AGO3: variants seen among roughly 807,000 people sequenced by gnomAD.
AGO3 encodes protein argonaute-3.
In AGO3, 16 loss-of-function variants were observed where a neutral mutation model predicts 105.5. The observed-to-expected ratio is 0.15, with a 90% CI of 0.10 to 0.23. AGO3 has a LOEUF of 0.23. AGO3 is among the 10% of genes least tolerant of loss of function. AGO3 has a pLI of 1.00. For missense variants in AGO3, 534 were observed against 1,088.0 expected, an observed-to-expected ratio of 0.49 and a Z score of 7.16; for synonymous variants, 340 against 367.3, an observed-to-expected ratio of 0.93 and a Z score of 0.85.
At chr1:36,024,910 T>TTA (rs1269949624) in intron 11 of AGO3, among the ~76,000 whole-genome samples, 1 of 152,166 alleles carries the variant, frequency 6.6e-6, no homozygotes, top group Non-Finnish European at 1.5e-5. Flanking sequence ...CCTGGCCTTT[T>TTA]TAACCTGTTT....
At position 36,008,798 on chromosome 1, in the gene AGO3, C is replaced by T. The variant is rs1406287802; in HGVS notation, c.881+21C>T. The T allele has an allele frequency of 6.2e-7, 1 of 1,613,884 alleles. No homozygotes were observed. Among genetic ancestry groups the T allele is most frequent in the Non-Finnish European group, 8.5e-7 (1 of 1,179,954 alleles). On this transcript the variant is annotated intron_variant, in intron 7 of 18. Coordinates refer to ENST00000373191, the MANE Select transcript of AGO3 (RefSeq NM_024852.4). The surrounding 1 kb of genome is among the most constrained non-coding windows in gnomAD (Gnocchi z 5.1). ...CAAACGTAAGAAAAGTTTGTCAGAGCAGCGATGGTGTGAGGCAGCTTGCTC... is the reference window on the plus strand; with the variant it reads ...CAAACGTAAGAAAAGTTTGTCAGAGTAGCGATGGTGTGAGGCAGCTTGCTC...
chr1:36,057,034 C>G lies in AGO3; in HGVS notation c.*1289C>G, dbSNP rs1401073986. 6.6e-6 allele frequency: 1 copy of G among 152,226 alleles called. No individual in the cohort carries two copies. The highest frequency in any genetic ancestry group is 2.4e-5 in the African/African-American group (1 of 41,434). 9.4% of individuals were successfully genotyped at this position (152,226 alleles called of 1,614,324 possible). A position where few individuals can be genotyped will look rare whatever the true frequency, so the allele number is the denominator to read the frequency against. Reference sequence around the variant, plus strand: ...GGATTACAGGCATGAGCCACCGCACCCGGCCTACTATTCTTTTTCTTTAGT... The same window carrying G: ...GGATTACAGGCATGAGCCACCGCACGCGGCCTACTATTCTTTTTCTTTAGT... On this transcript the variant is annotated 3_prime_UTR_variant, in exon 19 of 19. Coordinates refer to ENST00000373191, the MANE Select transcript of AGO3 (RefSeq NM_024852.4).
At chr1:35,978,282 C>CT (rs1646988737) in intron 5 of AGO3, among the ~76,000 whole-genome samples, 1 of 152,066 alleles carries the variant, frequency 6.6e-6, no homozygotes, top group South Asian at 2.1e-4. Context: ...CTCCGCCTCC[C>CT]TGGTTCAAGC....
chr1:35,947,363 A>G (rs1313075005), intron 2 of AGO3, among the ~76,000 whole-genome samples: 5 of 152,024 alleles, frequency 3.3e-5, no homozygotes, highest in South Asian at 4.1e-4. Flanking sequence ...TTGACACCCA[A>G]ATGTTCCTAA....
In AGO3 at chr1:36,063,673, T is replaced by C. The variant is rs185061766; in HGVS notation, c.*7928T>C. 1.9e-4 allele frequency: 29 copies of C among 152,248 alleles called. No homozygotes were observed. 9.4% of individuals were successfully genotyped at this position (152,248 alleles called of 1,614,324 possible). A position where few individuals can be genotyped will look rare whatever the true frequency, so the allele number is the denominator to read the frequency against. The stretch of plus-strand genomic sequence containing the variant: ...TAGAGTACTTCAGCTAATTAAAAAT[T>C]TAAATAGTAATAATTTATGAATGTG... On this transcript the variant is annotated 3_prime_UTR_variant, in exon 19 of 19. Transcript: ENST00000373191.
At chr1:35,975,785 A>T (rs961898767) in intron 5 of AGO3, among the ~76,000 whole-genome samples, 7 of 152,160 alleles carry the variant, frequency 4.6e-5, no homozygotes, top group Non-Finnish European at 7.3e-5. Flanking sequence ...TATTAGATTT[A>T]TAAATTAAGT....
At chr1:36,039,263 A>C (rs1312253273) in intron 14 of AGO3, among the ~76,000 whole-genome samples, 1 of 152,112 alleles carries the variant, frequency 6.6e-6, no homozygotes, top group Non-Finnish European at 1.5e-5. Context: ...TGGGAGGCCA[A>C]CGCAGACGGA....
intron 3 of AGO3, 84 bp from the exon 4 acceptor site, chr1:35,971,940 C>T (rs1238423885): frequency 7.7e-7 from 1 of 1,304,032 alleles, no homozygotes; most frequent in East Asian, 2.5e-5. Context: ...CATGTTTTCT[C>T]TTAGATATTT....
chr1:36,014,542 C>T (rs1250466142), intron 11 of AGO3, among the ~76,000 whole-genome samples: 2 of 148,474 alleles, frequency 1.3e-5, no homozygotes, highest in Admixed American at 6.7e-5. Context: ...GAGGCCAGGG[C>T]GGGTGGATCA....
chr1:36,053,188 T>C (rs1642787155), intron 17 of AGO3, among the ~76,000 whole-genome samples: 1 of 152,154 alleles, frequency 6.6e-6, no homozygotes, highest in South Asian at 2.1e-4. Flanking sequence ...ATTATGAATC[T>C]TCAAGATAGA....
chr1:35,931,535 G>C (rs1646047643), intron 1 of AGO3, 90 bp downstream of exon 1: 4 of 1,279,084 alleles, frequency 3.1e-6, no homozygotes, highest in East Asian at 3.1e-5. Context: ...CCAGGTGCGC[G>C]AGGTGAGCGT....
rs540602781 is a variant in AGO3, at chr1:36,062,120, T to C, written c.*6375T>C. 1 of 152,072 alleles carries C rather than the reference T, an allele frequency of 6.6e-6. No homozygotes were observed. The highest frequency in any genetic ancestry group is 1.9e-4 in the East Asian group (1 of 5,184). The allele number at this position is 152,072 out of a possible 1,614,324, so 9.4% of individuals were successfully genotyped here. On this transcript the variant is annotated 3_prime_UTR_variant, in exon 19 of 19. Transcript: ENST00000373191. ...TAGTACCAATGTCCAAAGGGAAATG[T>C]AACTTGCCTGGAATCATAGGCAACA...
chr1:35,931,579 C>T (rs911084399), intron 1 of AGO3, 134 bp downstream of exon 1: 1 of 1,021,814 alleles, frequency 9.8e-7, no homozygotes, highest in Non-Finnish European at 1.3e-6. Flanking sequence ...CGCCCCTCGC[C>T]CTGCTCCTCC....
intron 12 of AGO3, among the ~76,000 whole-genome samples, chr1:36,029,412 T>G (rs1641661535): frequency 6.8e-6 from 1 of 147,490 alleles, no homozygotes; most frequent in South Asian, 2.2e-4. Context: ...TTTTTTTTTT[T>G]GAGAGAGAGT....
intron 3 of AGO3, among the ~76,000 whole-genome samples, chr1:35,969,169 T>C (rs887918359): frequency 3.3e-5 from 5 of 152,250 alleles, no homozygotes; most frequent in Non-Finnish European, 5.9e-5. Context: ...TTAGCTAAAC[T>C]GATCAATACC....
intron 5 of AGO3, among the ~76,000 whole-genome samples, chr1:35,978,167 T>C (rs1193689253): frequency 6.6e-6 from 1 of 152,196 alleles, no homozygotes; most frequent in African/African-American, 2.4e-5. Context: ...TGATGAACTC[T>C]TTCTAGAGAT....
intron 2 of AGO3, among the ~76,000 whole-genome samples, chr1:35,956,957 C>A (rs1416292216): frequency 1.3e-5 from 2 of 151,852 alleles, no homozygotes; most frequent in Non-Finnish European, 2.9e-5. Flanking sequence ...CCTTAAGGAT[C>A]ATGATTTTCA....
intron 11 of AGO3, among the ~76,000 whole-genome samples, chr1:36,017,193 GACT>G (rs1445429229): frequency 6.6e-6 from 1 of 152,152 alleles, no homozygotes; most frequent in Non-Finnish European, 1.5e-5. Context: ...ATCCCAGGGA[GACT>G]ACTATTATGA....
intron 14 of AGO3, among the ~76,000 whole-genome samples, 165 bp downstream of exon 14, chr1:36,036,432 A>G (rs1642011195): frequency 1.3e-5 from 2 of 152,226 alleles, no homozygotes; most frequent in African/African-American, 4.8e-5. Flanking sequence ...TGGAAGTTCC[A>G]TATGTATCTA....
Sources: gnomAD v4.1 joint callset for allele counts (sites outside exome capture counted in the v4.1 genomes callset) on GRCh38, gnomAD v4.1.1 for gene constraint, Gnocchi (gnomAD v3.1) non-coding constraint, MANE v1.5 for transcripts, NCBI Gene and HGNC (gene_info 2026-07-23, HGNC 2026-07-21) for gene names.